BRAF: variants seen among roughly 807,000 people sequenced by gnomAD.
The protein encoded by BRAF is serine/threonine-protein kinase B-raf.
Under a neutral mutation model 104.6 loss-of-function variants are expected in BRAF, and 16 were observed. That is an observed-to-expected ratio of 0.15 (90% CI 0.10 to 0.23). The LOEUF is 0.23. Ranked by LOEUF, BRAF falls within the 10% of genes least tolerant of loss-of-function variation. BRAF has a pLI of 1.00. For synonymous variants in BRAF, 310 were observed against 341.6 expected, an observed-to-expected ratio of 0.91 and a Z score of 1.02; for missense variants, 541 against 937.3, an observed-to-expected ratio of 0.58 and a Z score of 5.52.
chr7:140,764,891 TC>T, intron 14 of BRAF, among the ~76,000 whole-genome samples: 1 of 152,310 alleles, frequency 6.6e-6, no homozygotes, highest in South Asian at 2.1e-4. Context: ...ATTTACAGAT[TC>T]AATGCCATCC....
chr7:140,752,017 A>G (rs1344583911), intron 16 of BRAF, among the ~76,000 whole-genome samples: 3 of 152,212 alleles, frequency 2.0e-5, no homozygotes, highest in African/African-American at 7.2e-5. Flanking sequence ...GATGATAAAG[A>G]ACTTTTGTTT....
intron 1 of BRAF, among the ~76,000 whole-genome samples, chr7:140,903,525 A>T (rs1287586877): frequency 1.3e-5 from 2 of 152,220 alleles, no homozygotes; most frequent in Non-Finnish European, 2.9e-5. Context: ...AGCTACAAGA[A>T]GATGAACGTT....
intron 1 of BRAF, among the ~76,000 whole-genome samples, chr7:140,857,058 G>A (rs1186654309): frequency 6.6e-6 from 1 of 152,102 alleles, no homozygotes; most frequent in Non-Finnish European, 1.5e-5. Flanking sequence ...GTTATCCTAT[G>A]TGGCAAAAGG....
intron 7 of BRAF, chr7:140,798,920 A>G (rs1336863292): frequency 1.2e-5 from 2 of 173,156 alleles, no homozygotes; most frequent in African/African-American, 4.8e-5. Context: ...ATCTCAGCTC[A>G]CTGCAACCTC....
chr7:140,906,134 GGTCAA>G (rs907336898), intron 1 of BRAF, among the ~76,000 whole-genome samples: 3 of 144,430 alleles, frequency 2.1e-5, no homozygotes, highest in Non-Finnish European at 1.5e-5. Flanking sequence ...AATTTATCAA[GGTCAA>G]GTCAATTAAT....
At chr7:140,845,292 G>A (rs1808426121) in intron 2 of BRAF, among the ~76,000 whole-genome samples, 1 of 152,128 alleles carries the variant, frequency 6.6e-6, no homozygotes, top group Non-Finnish European at 1.5e-5. Flanking sequence ...GGAGAAGAAT[G>A]TCATGGCATT....
intron 1 of BRAF, among the ~76,000 whole-genome samples, chr7:140,870,631 GA>G (rs764060432): frequency 2.9e-3 from 291 of 99,332 alleles, no homozygotes; most frequent in Middle Eastern, 5.4e-3. Flanking sequence ...AGGTTAACTA[GA>G]AAAAAAAAAA....
intron 19 of BRAF, among the ~76,000 whole-genome samples, chr7:140,728,469 G>A (rs1219423920): frequency 6.6e-6 from 1 of 151,784 alleles, no homozygotes; most frequent in Non-Finnish European, 1.5e-5. Context: ...AAGGTATTGT[G>A]AGTCCAAAGA....
At chr7:140,798,020 C>T (rs944112152) in intron 7 of BRAF, among the ~76,000 whole-genome samples, 4 of 152,086 alleles carry the variant, frequency 2.6e-5, no homozygotes, top group Non-Finnish European at 5.9e-5. Flanking sequence ...ATACTCACTG[C>T]TTAAGACAAA....
chr7:140,851,428 T>C (rs1199721821), intron 1 of BRAF, among the ~76,000 whole-genome samples: 1 of 152,170 alleles, frequency 6.6e-6, no homozygotes, highest in African/African-American at 2.4e-5. Context: ...TTTTTAAATG[T>C]ACTGGGAAAT....
At chr7:140,851,075 A>G (rs1469748319) in intron 1 of BRAF, among the ~76,000 whole-genome samples, 2 of 152,174 alleles carry the variant, frequency 1.3e-5, no homozygotes, top group African/African-American at 4.8e-5. Context: ...TCAATGAAAC[A>G]AATTTGTGGC....
chr7:140,773,574 G>T (rs950389151), intron 14 of BRAF, among the ~76,000 whole-genome samples: 1 of 152,062 alleles, frequency 6.6e-6, no homozygotes, highest in African/African-American at 2.4e-5. Context: ...TCCCAGTCCA[G>T]AGATATTTAT....
At chr7:140,770,433 G>A (rs2129013896) in intron 14 of BRAF, among the ~76,000 whole-genome samples, 1 of 145,852 alleles carries the variant, frequency 6.9e-6, no homozygotes, top group South Asian at 2.2e-4. Flanking sequence ...TCGATAGGCT[G>A]TAACTTTTTC....
chr7:140,869,244 G>A (rs535604217), intron 1 of BRAF, among the ~76,000 whole-genome samples: 1 of 152,272 alleles, frequency 6.6e-6, no homozygotes, highest in South Asian at 2.1e-4. Flanking sequence ...GAAATAACAT[G>A]TTCTTTTACA....
chr7:140,813,561 A>C (rs946842484), intron 3 of BRAF, among the ~76,000 whole-genome samples: 5 of 152,198 alleles, frequency 3.3e-5, no homozygotes, highest in African/African-American at 1.2e-4. Context: ...ATGTATGTGC[A>C]ACATTATTCA....
chr7:140,757,185 C>A (rs1326825753), intron 14 of BRAF, among the ~76,000 whole-genome samples: 1 of 152,020 alleles, frequency 6.6e-6, no homozygotes, highest in African/African-American at 2.4e-5. Context: ...AAAAAGGGCA[C>A]AAAAAGGATT....
Position 140,777,052 on chromosome 7 carries a change from G to C in BRAF, c.1674C>G (p.Gly558=). ...TAGCCAGTTGTGGCTTTGTGGAATA[G>C]CCCATGAAGAGTAGGATATTCACAT... The part of the protein sequence containing the change: ...TRHVNILLFM[G]YSTKPQLAIV... Residue 558 remains glycine (G), a synonymous_variant, in exon 14 of 20, where the codon GGC becomes GGG. Transcript: ENST00000644969. 3.1e-6 allele frequency: 5 copies of C among 1,613,990 alleles called. No homozygotes were observed. Among genetic ancestry groups the C allele is most frequent in the Non-Finnish European group, 4.2e-6 (5 of 1,179,898 alleles).
intron 7 of BRAF, among the ~76,000 whole-genome samples, chr7:140,798,265 T>TTTTTTCC (rs1419074186): frequency 1.6e-5 from 1 of 61,754 alleles, no homozygotes; most frequent in Non-Finnish European, 3.0e-5. Flanking sequence ...ATGGGGACTT[T>TTTTTTCC]TTTTTTCTTT....
chr7:140,788,473 T>C (rs753003862), intron 8 of BRAF, among the ~76,000 whole-genome samples: 2 of 152,190 alleles, frequency 1.3e-5, no homozygotes, highest in Admixed American at 6.5e-5. Flanking sequence ...AACATGTTTA[T>C]AGTATAATTT....
Sources: gnomAD v4.1 joint callset for allele counts (sites outside exome capture counted in the v4.1 genomes callset) on GRCh38, gnomAD v4.1.1 for gene constraint, MANE v1.5 for transcripts, NCBI Gene and HGNC (gene_info 2026-07-23, HGNC 2026-07-21) for gene names.